GPC4: variants seen among roughly 807,000 people sequenced by gnomAD.
GPC4 encodes glypican 4.
A neutral mutation model predicts 35.0 loss-of-function variants in GPC4; 10 were observed. That is an observed-to-expected ratio of 0.29 (90% CI 0.18 to 0.48). The LOEUF (loss-of-function observed/expected upper bound fraction) is 0.48, where lower values mean the gene tolerates loss of function less well. GPC4 is among the 20% of genes least tolerant of loss of function. The pLI is 0.99. For missense variants in GPC4, 322 were observed against 451.3 expected (o/e 0.71, Z 2.60); for synonymous variants, 167 against 170.2 (o/e 0.98, Z 0.15).
chrX:133,346,317 T>C (rs1474975647), intron 1 of GPC4, among the ~76,000 whole-genome samples: 1 of 111,847 alleles, frequency 8.9e-6, no homozygotes, highest in Non-Finnish European at 1.9e-5. Flanking sequence ...TCAGGTTCCC[T>C]GCCTCCAGAC....
At chrX:133,340,354 T>C (rs1656962628) in intron 1 of GPC4, among the ~76,000 whole-genome samples, 1 of 111,577 alleles carries the variant, frequency 9.0e-6, no homozygotes, top group African/African-American at 3.3e-5. Flanking sequence ...CTTCAGTCTC[T>C]CCAATATTAA....
At chrX:133,391,326 C>T (rs1158767028) in intron 1 of GPC4, among the ~76,000 whole-genome samples, 1 of 111,863 alleles carries the variant, frequency 8.9e-6, no homozygotes, top group African/African-American at 3.2e-5. Flanking sequence ...AGTTCTAGTA[C>T]AAAAAGGCAA....
chrX:133,358,261 C>G (rs1216899193), intron 1 of GPC4, among the ~76,000 whole-genome samples: 1 of 112,221 alleles, frequency 8.9e-6, no homozygotes, highest in Non-Finnish European at 1.9e-5. Flanking sequence ...CATAGTCTGA[C>G]TGAATATTTT....
At chrX:133,385,368 G>A (rs910498826) in intron 1 of GPC4, among the ~76,000 whole-genome samples, 3 of 112,209 alleles carry the variant, frequency 2.7e-5, no homozygotes, top group African/African-American at 6.5e-5. Flanking sequence ...AAGAAACACC[G>A]AAGAATTCAG....
At chrX:133,388,249 A>G (rs1308471241) in intron 1 of GPC4, among the ~76,000 whole-genome samples, 1 of 112,262 alleles carries the variant, frequency 8.9e-6, no homozygotes, top group Non-Finnish European at 1.9e-5. Context: ...CTGTGTTTTT[A>G]GTCCACTTGA....
At chrX:133,361,806 G>A (rs1273531667) in intron 1 of GPC4, among the ~76,000 whole-genome samples, 2 of 111,568 alleles carry the variant, frequency 1.8e-5, no homozygotes, top group African/African-American at 6.5e-5. Context: ...TAGAGTGCCC[G>A]AAAGCAAAAG....
At chrX:133,310,409 T>C (rs1322720617) in intron 4 of GPC4, among the ~76,000 whole-genome samples, 2 of 112,084 alleles carry the variant, frequency 1.8e-5, no homozygotes, top group Admixed American at 9.5e-5. Context: ...ATCAAGGTAA[T>C]TGACAACTGG....
intron 1 of GPC4, among the ~76,000 whole-genome samples, chrX:133,404,592 G>A (rs1283455937): frequency 9.6e-6 from 1 of 103,685 alleles, no homozygotes; most frequent in East Asian, 3.1e-4. Flanking sequence ...CGGGCGTGGT[G>A]GCTCACGCCT....
In GPC4 at chrX:133,304,703, AAT is replaced by A; in HGVS notation, c.1292+20_1292+21del. 8.3e-7 allele frequency: 1 copy of A among 1,209,160 alleles called. No homozygotes were observed. The highest frequency in any genetic ancestry group is 1.1e-6 in the Non-Finnish European group (1 of 893,624). On this transcript the variant is annotated intron_variant, in intron 7 of 8. Coordinates refer to ENST00000370828, the MANE Select transcript of GPC4 (RefSeq NM_001448.3). ...GGCATCTAGGAAGGGAGAAACTTCA[AAT>A]TCATTCAACAGACACTAACCTGCTT...
rs774059715 is a variant in GPC4 at position 133,363,608 on chromosome X, A to C, written c.161-24267T>G. Among the ~76,000 whole-genome samples the C allele has an allele frequency of 2.7e-5, 3 of 111,420 alleles. No homozygotes were observed. In the South Asian group the frequency reaches 1.1e-3, roughly 43 times the overall value. Reference sequence around the variant, plus strand: ...GTACTACAAATCTGAAACTCAAGTGAATAATGTCCTGCTGGGCATGTTGCT... The same window carrying C: ...GTACTACAAATCTGAAACTCAAGTGCATAATGTCCTGCTGGGCATGTTGCT... On this transcript the variant is annotated intron_variant, in intron 1 of 8. Coordinates refer to ENST00000370828, the MANE Select transcript of GPC4 (RefSeq NM_001448.3).
intron 2 of GPC4, among the ~76,000 whole-genome samples, chrX:133,324,827 TTCTC>T (rs1408328314): frequency 1.8e-5 from 2 of 111,311 alleles, no homozygotes; most frequent in African/African-American, 3.3e-5. Flanking sequence ...CATGCTCTCA[TTCTC>T]TCTCTCACTT....
At chrX:133,340,868 T>C (rs1005131841) in intron 1 of GPC4, among the ~76,000 whole-genome samples, 1 of 111,795 alleles carries the variant, frequency 8.9e-6, no homozygotes, top group Non-Finnish European at 1.9e-5. Context: ...GTATGCAGCA[T>C]TAAAGGACCA....
intron 1 of GPC4, among the ~76,000 whole-genome samples, chrX:133,376,947 G>A (rs2068636221): frequency 8.9e-6 from 1 of 111,787 alleles, no homozygotes; most frequent in Admixed American, 9.5e-5. Flanking sequence ...CAACCTCAGA[G>A]CAACTGGACA....
intron 2 of GPC4, among the ~76,000 whole-genome samples, chrX:133,337,385 G>A (rs1189130639): frequency 2.7e-5 from 3 of 111,721 alleles, no homozygotes; most frequent in African/African-American, 9.8e-5. Context: ...TGGGGAGCGA[G>A]AAGGGAAAAG....
chrX:133,354,095 T>C (rs998792999), intron 1 of GPC4, among the ~76,000 whole-genome samples: 2 of 111,755 alleles, frequency 1.8e-5, no homozygotes, highest in Admixed American at 1.9e-4. Context: ...CAGCAAAGAG[T>C]AAGTTACTTT....
Position 133,415,048 on chromosome X carries a change from G to A in GPC4, c.-83C>T. 1.0e-6 allele frequency: 1 copy of A among 994,904 alleles called. No individual in the cohort carries two copies. The highest frequency in any genetic ancestry group is 2.6e-5 in the Admixed American group (1 of 38,754). The allele number at this position is 994,904 out of a possible 1,213,427, so 82.0% of individuals were successfully genotyped here. On this transcript the variant is annotated 5_prime_UTR_variant, in exon 1 of 9. Coordinates refer to ENST00000370828, the MANE Select transcript of GPC4 (RefSeq NM_001448.3). ...CGGCAGCGGGCCGAGGGCTGGCGGA[G>A]TCGGGGACTAGCGAGTGGAGCTGGA...
At chrX:133,341,344 G>A (rs1255935444) in intron 1 of GPC4, among the ~76,000 whole-genome samples, 3 of 111,880 alleles carry the variant, frequency 2.7e-5, no homozygotes, top group Non-Finnish European at 5.6e-5. Context: ...ACCCCCTGTA[G>A]AAAATGAATT....
chrX:133,320,457 T>A (rs897298086), intron 3 of GPC4, among the ~76,000 whole-genome samples: 12 of 109,586 alleles, frequency 1.1e-4, no homozygotes, highest in African/African-American at 4.0e-4. Context: ...AGAAACCCCA[T>A]CTCTACTAAA....
chrX:133,371,840 T>C (rs2068613417), intron 1 of GPC4, among the ~76,000 whole-genome samples: 1 of 111,594 alleles, frequency 9.0e-6, no homozygotes, highest in Non-Finnish European at 1.9e-5. Context: ...TAAGTCATTC[T>C]AAAATGGAGC....
Sources: allele counts gnomAD v4.1 joint callset (sites outside exome capture counted in the v4.1 genomes callset), GRCh38; gene constraint gnomAD v4.1.1; transcripts MANE v1.5; gene names NCBI Gene and HGNC (gene_info 2026-07-23, HGNC 2026-07-21).